The following C10orf88 variants were observed in gnomAD, a reference collection of about 807,000 sequenced individuals.
The protein encoded by C10orf88 is ATPase PAAT.
In C10orf88, 29 loss-of-function variants were observed where a neutral mutation model predicts 34.2. The ratio of observed to expected loss-of-function variants is 0.85; its 90% CI spans 0.63 to 1.16. C10orf88 has a LOEUF of 1.16. Among genes scored for constraint, C10orf88 ranks in the 50% most tolerant of loss-of-function variants. C10orf88 has a pLI of 0.00. For missense variants in C10orf88, 507 were observed against 533.2 expected (o/e 0.95, Z 0.48); for synonymous variants, 194 against 197.4 (o/e 0.98, Z 0.15).
rs945545948 is a variant in C10orf88, at chr10:122,931,261, C to G, written c.*1166G>C. 12 of 152,176 alleles carry G rather than the reference C, an allele frequency of 7.9e-5. No homozygotes were observed. Among genetic ancestry groups the G allele is most frequent in the African/African-American group, 2.9e-4 (12 of 41,526 alleles). The allele number at this position is 152,176 out of a possible 1,614,324, so 9.4% of individuals were successfully genotyped here. On this transcript the variant is annotated 3_prime_UTR_variant, in exon 6 of 6. Coordinates refer to ENST00000481909, the MANE Select transcript of C10orf88 (RefSeq NM_024942.4). Reference sequence around the variant, plus strand: ...GTTTGGTCAGCTATCGTGGTTGTAACCAGTCTCCTCTGGACTGGTTACAAA... The same window carrying G: ...GTTTGGTCAGCTATCGTGGTTGTAAGCAGTCTCCTCTGGACTGGTTACAAA...
chr10:122,948,198 C>T (rs1394513312), intron 4 of C10orf88, among the ~76,000 whole-genome samples: 2 of 152,068 alleles, frequency 1.3e-5, no homozygotes, highest in South Asian at 4.1e-4. Flanking sequence ...TTTTATTCAC[C>T]TTATTTTTTG....
chr10:122,934,560 C>G (rs1848516527), intron 5 of C10orf88, among the ~76,000 whole-genome samples: 1 of 152,122 alleles, frequency 6.6e-6, no homozygotes, highest in Admixed American at 6.5e-5. Flanking sequence ...TTTAACCATT[C>G]ACCTATTGCT....
rs781576340 is a variant in C10orf88 at position 122,948,662 on chromosome 10, C to A, written c.635G>T (p.Arg212Met). 1.9e-6 allele frequency: 3 copies of A among 1,613,782 alleles called. No homozygotes were observed. The South Asian group carries it at 3.3e-5, about 18-fold the overall frequency. The change falls in exon 4 of 6, where the codon AGG becomes ATG. Residue 212 changes from arginine to methionine, a missense_variant. Transcript: ENST00000481909. ...ATTTCTACTTACCCGCTGCTGACAC[C>A]TAACCATATCCATCAACTGCTGAGC... ...PGAQQLMDMV[R>M]CQQRNCIPIG...
At chr10:122,934,040 A>G (rs1278488357) in intron 5 of C10orf88, among the ~76,000 whole-genome samples, 2 of 152,166 alleles carry the variant, frequency 1.3e-5, no homozygotes, top group Non-Finnish European at 2.9e-5. Flanking sequence ...ACTACTCTAG[A>G]ATACACCAAA....
rs1848552239 is a variant in C10orf88, at chr10:122,938,147, T to C, written c.661A>G (p.Ile221Val). Reference sequence around the variant, plus strand: ...AACACCGACTGAAGCTGCTCTCCAATGGGAATACAATTCTAAACAAGGTAA... The same window carrying C: ...AACACCGACTGAAGCTGCTCTCCAACGGGAATACAATTCTAAACAAGGTAA... ...VRCQQRNCIPIGEQLQSVLGN... is the reference protein window; with the variant it reads ...VRCQQRNCIPVGEQLQSVLGN... The change falls in exon 5 of 6, where the codon ATT becomes GTT. Residue 221 changes from isoleucine to valine, a missense_variant. Transcript: ENST00000481909. 2 of 1,596,634 alleles carry C rather than the reference T, an allele frequency of 1.3e-6. No homozygotes were observed. The highest frequency in any genetic ancestry group is 1.7e-5 in the Admixed American group (1 of 57,642).
chr10:122,951,586 A>G (rs1197038829), intron 3 of C10orf88, among the ~76,000 whole-genome samples: 1 of 152,128 alleles, frequency 6.6e-6, no homozygotes, highest in Admixed American at 6.5e-5. Flanking sequence ...TTCTTAATTC[A>G]ATGTTAAAAA....
chr10:122,942,182 G>A (rs914318102), intron 4 of C10orf88, among the ~76,000 whole-genome samples: 1 of 151,990 alleles, frequency 6.6e-6, no homozygotes, highest in African/African-American at 2.4e-5. Context: ...ACCAAAATTT[G>A]TTCACAAACA....
At position 122,932,621 on chromosome 10, in the gene C10orf88, G is replaced by C. The variant is rs570222008; in HGVS notation, c.1144C>G (p.Leu382Val). 6.2e-7 allele frequency: 1 copy of C among 1,612,778 alleles called. No individual in the cohort carries two copies. The highest frequency in any genetic ancestry group is 1.1e-5 in the South Asian group (1 of 90,960). ...TCCATCAGTTCCATATTTTTAGAAA[G>C]AATCTTTTCCAAGTAGGAGCAAATA... is the stretch of plus-strand genomic sequence containing the variant. ...QSICSYLEKI[L>V]SKNMELMEKK... Residue 382 changes from leucine (L) to valine (V), a missense_variant, in exon 6 of 6, where the codon CTT (leucine) becomes GTT (valine). By Grantham distance (32) the Leu-to-Val change is conservative. Coordinates refer to ENST00000481909, the MANE Select transcript of C10orf88 (RefSeq NM_024942.4).
intron 1 of C10orf88, among the ~76,000 whole-genome samples, 161 bp downstream of exon 1, chr10:122,953,854 C>T (rs1050297477): frequency 6.6e-6 from 1 of 151,526 alleles, no homozygotes; most frequent in African/African-American, 2.4e-5. Context: ...CCCCCCTCCG[C>T]CCACCCCGGA....
chr10:122,951,138 T>C lies in C10orf88; in HGVS notation c.441+816A>G, dbSNP rs139294646. ...TATCCCTAGACTCTGAAGACATAAC[T>C]AACAGTTACCTTAACAATATTTTTC... On this transcript the variant is annotated intron_variant, in intron 3 of 5. Coordinates refer to ENST00000481909, the MANE Select transcript of C10orf88 (RefSeq NM_024942.4). Among the ~76,000 whole-genome samples the C allele has an allele frequency of 1.6e-3, 243 of 152,328 alleles. 1 individual carries two copies. Among genetic ancestry groups the C allele is most frequent in the African/African-American group, 5.5e-3 (227 of 41,590 alleles).
At chr10:122,948,115 A>G (rs1848655927) in intron 4 of C10orf88, among the ~76,000 whole-genome samples, 1 of 152,120 alleles carries the variant, frequency 6.6e-6, no homozygotes, top group East Asian at 1.9e-4. Context: ...AACTTTGCCT[A>G]TTACTTTTTT....
intron 3 of C10orf88, among the ~76,000 whole-genome samples, chr10:122,951,384 T>C (rs1195640911): frequency 6.6e-6 from 1 of 152,124 alleles, no homozygotes; most frequent in African/African-American, 2.4e-5. Context: ...TTTATTATTT[T>C]TTTAGTGAGA....
intron 4 of C10orf88, 75 bp from the exon 5 acceptor site, chr10:122,938,234 A>T: frequency 8.4e-7 from 1 of 1,193,234 alleles, no homozygotes; most frequent in East Asian, 2.4e-5. Flanking sequence ...ACTATGAGTC[A>T]GGCACTGTGC....
intron 4 of C10orf88, among the ~76,000 whole-genome samples, chr10:122,945,019 G>T (rs1848625432): frequency 6.7e-6 from 1 of 149,872 alleles, no homozygotes; most frequent in African/African-American, 2.5e-5. Flanking sequence ...TATGTATATA[G>T]ATATATGCGT....
At chr10:122,933,393 C>G (rs1848503617) in intron 5 of C10orf88, 3 of 152,152 alleles carry the variant, frequency 2.0e-5, no homozygotes, top group Non-Finnish European at 4.4e-5. Flanking sequence ...TTGCTTGAAC[C>G]CGGGAGACAG....
chr10:122,947,065 T>A (rs1589697148), intron 4 of C10orf88, among the ~76,000 whole-genome samples: 2 of 152,116 alleles, frequency 1.3e-5, no homozygotes, highest in East Asian at 3.9e-4. Context: ...GATCCAATTA[T>A]CCTTTGAGGT....
intron 5 of C10orf88, among the ~76,000 whole-genome samples, chr10:122,933,167 G>A (rs565862810): frequency 2.4e-4 from 37 of 152,002 alleles, no homozygotes; most frequent in East Asian, 1.9e-3. Context: ...AATTTCTAAC[G>A]TTCACAATGA....
intron 4 of C10orf88, 68 bp downstream of exon 4, chr10:122,948,581 T>C (rs1423154203): frequency 3.4e-6 from 5 of 1,474,164 alleles, no homozygotes; most frequent in Middle Eastern, 1.8e-4. Context: ...AGTCACTACA[T>C]TTCTTTACTA....
intron 4 of C10orf88, among the ~76,000 whole-genome samples, chr10:122,938,375 A>G (rs1382619352): frequency 1.3e-5 from 2 of 152,058 alleles, no homozygotes; most frequent in Non-Finnish European, 2.9e-5. Flanking sequence ...GAACTGGAAC[A>G]TGAACGCAGG....
Sources: gnomAD v4.1 joint callset for allele counts (sites outside exome capture counted in the v4.1 genomes callset) on GRCh38, gnomAD v4.1.1 for gene constraint, MANE v1.5 for transcripts, NCBI Gene and HGNC (gene_info 2026-07-23, HGNC 2026-07-21) for gene names.